The following CORO2B variants were observed in gnomAD, a reference collection of about 807,000 sequenced individuals.
CORO2B encodes the protein coronin 2B.
In CORO2B, 26 loss-of-function variants were observed where a neutral mutation model predicts 58.8. The observed-to-expected ratio is 0.44, with a 90% CI of 0.32 to 0.61. The LOEUF is 0.61. Ranked by LOEUF, CORO2B falls within the 20% of genes least tolerant of loss-of-function variation. The probability of loss-of-function intolerance (pLI) is 0.04; values close to 1 mark genes in which losing one functional copy is unlikely to be tolerated. For synonymous variants in CORO2B, 242 were observed against 253.8 expected (o/e 0.95, Z 0.44); for missense variants, 460 against 645.1 (o/e 0.71, Z 3.11).
chr15:68,573,704 G>A, the CORO2B span, among the ~76,000 whole-genome samples: 2 of 152,236 alleles, frequency 1.3e-5, no homozygotes, highest in South Asian at 4.1e-4. Context: ...AGCTGACTGA[G>A]CACAGCACTA....
intron 1 of CORO2B, among the ~76,000 whole-genome samples, chr15:68,630,308 A>T (rs1000780544): frequency 1.3e-5 from 2 of 152,148 alleles, no homozygotes; most frequent in Admixed American, 6.5e-5. Flanking sequence ...GGTCATTGTT[A>T]TCATCCCCTG....
intron 1 of CORO2B, among the ~76,000 whole-genome samples, chr15:68,639,924 CT>C (rs1187418688): frequency 6.6e-6 from 1 of 152,178 alleles, no homozygotes; most frequent in Non-Finnish European, 1.5e-5. Flanking sequence ...CTGGGCAGGG[CT>C]TTAAGGGTAA....
At chr15:68,707,900 T>A (rs548437773) in intron 3 of CORO2B, among the ~76,000 whole-genome samples, 5 of 152,078 alleles carry the variant, frequency 3.3e-5, no homozygotes, top group Non-Finnish European at 7.4e-5. Context: ...GGAAAGAGCA[T>A]TGGGGTATTC....
intron 2 of CORO2B, among the ~76,000 whole-genome samples, chr15:68,659,187 G>C (rs962500413): frequency 6.6e-6 from 1 of 152,162 alleles, no homozygotes; most frequent in African/African-American, 2.4e-5. Context: ...AGTTACTGGA[G>C]TGTCTTTCCC....
At chr15:68,608,886 C>T (rs1900185065) in intron 1 of CORO2B, among the ~76,000 whole-genome samples, 1 of 152,194 alleles carries the variant, frequency 6.6e-6, no homozygotes, top group Admixed American at 6.5e-5. Flanking sequence ...ATTTCAGCCT[C>T]CATCCATCCG....
chr15:68,681,440 T>G (rs1453110498), intron 2 of CORO2B, among the ~76,000 whole-genome samples: 1 of 151,804 alleles, frequency 6.6e-6, no homozygotes, highest in Non-Finnish European at 1.5e-5. Flanking sequence ...AAACCAAGGG[T>G]TAGGACACCC....
At chr15:68,590,558 A>C (rs1899678927) in intron 1 of CORO2B, among the ~76,000 whole-genome samples, 1 of 152,128 alleles carries the variant, frequency 6.6e-6, no homozygotes, top group Non-Finnish European at 1.5e-5. Flanking sequence ...CTGGCCTGGC[A>C]GTGGATGGCT....
At chr15:68,610,957 G>T (rs1276928896) in intron 1 of CORO2B, among the ~76,000 whole-genome samples, 2 of 152,196 alleles carry the variant, frequency 1.3e-5, no homozygotes, top group Non-Finnish European at 2.9e-5. Flanking sequence ...AAGAATCCCA[G>T]GGGGAAAATG....
chr15:68,622,109 T>A (rs1338621903), intron 1 of CORO2B, among the ~76,000 whole-genome samples: 1 of 152,192 alleles, frequency 6.6e-6, no homozygotes, highest in Non-Finnish European at 1.5e-5. Flanking sequence ...AAAATGGGGA[T>A]AATCTCTTTT....
intron 1 of CORO2B, among the ~76,000 whole-genome samples, chr15:68,584,760 C>A (rs1038575406): frequency 6.6e-6 from 1 of 152,220 alleles, no homozygotes; most frequent in Non-Finnish European, 1.5e-5. Flanking sequence ...CCATTCCTTC[C>A]CCTGTAGGCC....
the CORO2B span, among the ~76,000 whole-genome samples, chr15:68,535,590 C>A: frequency 6.6e-6 from 1 of 152,116 alleles, no homozygotes; most frequent in Non-Finnish European, 1.5e-5. Context: ...TCCTGTCTCT[C>A]GTAGGACATT....
chr15:68,561,627 T>C, the CORO2B span, among the ~76,000 whole-genome samples: 3 of 152,094 alleles, frequency 2.0e-5, no homozygotes, highest in African/African-American at 7.2e-5. Context: ...TAGGAAAACA[T>C]GCAGAGAAAC....
At chr15:68,591,463 A>G (rs1899704481) in intron 1 of CORO2B, among the ~76,000 whole-genome samples, 1 of 152,222 alleles carries the variant, frequency 6.6e-6, no homozygotes, top group African/African-American at 2.4e-5. Context: ...TGCCAAGCCA[A>G]GAAGCTTGAG....
chr15:68,614,255 C>G (rs1900303273), intron 1 of CORO2B, among the ~76,000 whole-genome samples: 1 of 152,004 alleles, frequency 6.6e-6, no homozygotes, highest in Admixed American at 6.5e-5. Flanking sequence ...CATGTAAGTC[C>G]CCAATTCTGC....
At chr15:68,715,988 T>A (rs1485365973) in intron 8 of CORO2B, among the ~76,000 whole-genome samples, 8 of 152,198 alleles carry the variant, frequency 5.3e-5, no homozygotes, top group Non-Finnish European at 1.5e-5. Context: ...CTGCGGGTGA[T>A]CCTCTTTGGA....
chr15:68,558,124 G>A, the CORO2B span, among the ~76,000 whole-genome samples: 1 of 152,206 alleles, frequency 6.6e-6, no homozygotes, highest in African/African-American at 2.4e-5. Flanking sequence ...GGCTGAGTCA[G>A]TGAGCTGGGC....
chr15:68,595,955 A>C (rs1595957959), intron 1 of CORO2B, among the ~76,000 whole-genome samples: 1 of 151,870 alleles, frequency 6.6e-6, no homozygotes, highest in Admixed American at 6.6e-5. Flanking sequence ...AGCAGAGGCC[A>C]GGGCAGCGAC....
chr15:68,559,466 GC>G, the CORO2B span: 1 of 348,112 alleles, frequency 2.9e-6, no homozygotes, highest in Non-Finnish European at 4.0e-6. This position sits in a 1 kb window ranked among gnomAD's most constrained non-coding sequence, Gnocchi z 4.3. Context: ...CAGAATCCCT[GC>G]CCCAGTCTTG....
chr15:68,711,447 G>A (rs76688712), intron 4 of CORO2B, 95 bp from the exon 5 acceptor site: 20,144 of 1,099,944 alleles, frequency 0.018, 239 homozygotes, highest in Non-Finnish European at 0.021. Flanking sequence ...CCTGCATGGG[G>A]CGCTTCTCCC....
Sources: allele counts gnomAD v4.1 joint callset (sites outside exome capture counted in the v4.1 genomes callset), GRCh38; gene constraint gnomAD v4.1.1; non-coding constraint Gnocchi (gnomAD v3.1); transcripts MANE v1.5; gene names NCBI Gene and HGNC (gene_info 2026-07-23, HGNC 2026-07-21).